Variants in SPATS2 observed in about 807,000 individuals in gnomAD.
The protein encoded by SPATS2 is spermatogenesis-associated serine-rich protein 2.
Under a neutral mutation model 63.7 loss-of-function variants are expected in SPATS2, and 38 were observed. That is an observed-to-expected ratio of 0.60 (90% CI 0.46 to 0.78). SPATS2 has a LOEUF of 0.78. Among genes scored for constraint, SPATS2 ranks in the 30% least tolerant of loss-of-function variants. The pLI is 0.00. For synonymous variants in SPATS2, 207 were observed against 232.9 expected (o/e 0.89, Z 1.01); for missense variants, 588 against 666.2 (o/e 0.88, Z 1.29).
chr12:49,524,081 A>G (rs1317258996), intron 12 of SPATS2, among the ~76,000 whole-genome samples: 1 of 152,178 alleles, frequency 6.6e-6, no homozygotes, highest in Non-Finnish European at 1.5e-5. Context: ...TTTGAACTGA[A>G]AATATTAATA....
In SPATS2 at chr12:49,461,161, T is replaced by TA. The variant is rs1412615994; in HGVS notation, c.25+125dup. 8.1e-6 allele frequency: 8 copies of TA among 989,944 alleles called. No homozygotes were observed. The African/African-American group carries it at 1.2e-4, about 14-fold the overall frequency. 61.3% of individuals were successfully genotyped at this position (989,944 alleles called of 1,614,324 possible). On this transcript the variant is annotated intron_variant, in intron 3 of 13. Transcript: ENST00000552918. ...TGGTTTTACAAGTATTTATGGATAT[T>TA]AGATTATCGCTTTGTGTATTACTAG...
intron 4 of SPATS2, among the ~76,000 whole-genome samples, chr12:49,486,878 A>G (rs1946304129): frequency 6.6e-6 from 1 of 151,914 alleles, no homozygotes; most frequent in African/African-American, 2.4e-5. Context: ...TTTTTCGTGG[A>G]TGAAACTAGG....
At chr12:49,480,545 C>T (rs1041410754) in intron 3 of SPATS2, among the ~76,000 whole-genome samples, 2 of 152,054 alleles carry the variant, frequency 1.3e-5, no homozygotes, top group East Asian at 3.8e-4. Flanking sequence ...TCTTGTTCAC[C>T]GTTGTATCCT....
In SPATS2 at chr12:49,414,877, G is replaced by T. The variant is rs574409260; in HGVS notation, c.-244+43587G>T. On this transcript the variant is annotated intron_variant, in intron 2 of 13. Transcript: ENST00000552918. ...GCCCCACAAAGTGCTGGGATTTTAG[G>T]CATGAGCCACTGTGCCTAGCCCAGG... 2.9e-3 allele frequency among the ~76,000 whole-genome samples: 434 copies of T among 151,582 alleles called. 4 individuals are homozygous for T. The highest frequency in any genetic ancestry group is 5.1e-3 in the Non-Finnish European group (344 of 67,936).
Position 49,406,250 on chromosome 12 carries a change from T to C in SPATS2, c.-244+34960T>C, listed in dbSNP as rs1944695132. On this transcript the variant is annotated intron_variant, in intron 2 of 13. Transcript: ENST00000552918. Reference sequence around the variant, plus strand: ...AATACCTATAGTAAATAATAAATAATCTTGGAATGCTAGATCTTTCTAGTT... The same window carrying C: ...AATACCTATAGTAAATAATAAATAACCTTGGAATGCTAGATCTTTCTAGTT... Among the ~76,000 whole-genome samples the C allele has an allele frequency of 3.3e-5, 5 of 151,890 alleles. No homozygotes were observed. The South Asian group carries it at 1.0e-3, about 32-fold the overall frequency.
chr12:49,501,710 G>C (rs371527868), intron 9 of SPATS2, among the ~76,000 whole-genome samples: 1 of 152,158 alleles, frequency 6.6e-6, no homozygotes, highest in Non-Finnish European at 1.5e-5. Context: ...CGCCTCCCAG[G>C]TTGCAGCCAT....
intron 2 of SPATS2, among the ~76,000 whole-genome samples, chr12:49,376,544 G>A (rs1438044352): frequency 3.3e-5 from 5 of 151,254 alleles, no homozygotes; most frequent in Admixed American, 3.3e-4. Context: ...GTACAGGCTC[G>A]TACCACCATG....
intron 2 of SPATS2, among the ~76,000 whole-genome samples, chr12:49,406,891 A>G (rs1293216861): frequency 1.3e-5 from 2 of 152,200 alleles, no homozygotes; most frequent in Non-Finnish European, 2.9e-5. Context: ...TATACTGGGA[A>G]CAATCATAAT....
intron 2 of SPATS2, among the ~76,000 whole-genome samples, chr12:49,381,899 G>A (rs558211620): frequency 2.3e-4 from 35 of 152,302 alleles, no homozygotes; most frequent in South Asian, 2.1e-3. Context: ...TAGATATGCC[G>A]TTTCATTATA....
At position 49,416,043 on chromosome 12, in the gene SPATS2, A is replaced by G. The variant is rs1242234034; in HGVS notation, c.-243-44727A>G. ...TACTTTTTTTTTTTTTTTTAATGGC[A>G]GAACAAAAAAATCTACTCCCTGTAC... is the stretch of plus-strand genomic sequence containing the variant. On this transcript the variant is annotated intron_variant, in intron 2 of 13. Coordinates refer to ENST00000552918, the MANE Select transcript of SPATS2 (RefSeq NM_023071.4). 4.0e-5 allele frequency among the ~76,000 whole-genome samples: 6 copies of G among 149,652 alleles called. No individual in the cohort carries two copies. The East Asian group carries it at 1.2e-3, about 29-fold the overall frequency.
At chr12:49,377,489 A>T (rs1759307403) in intron 2 of SPATS2, among the ~76,000 whole-genome samples, 1 of 152,184 alleles carries the variant, frequency 6.6e-6, no homozygotes, top group Non-Finnish European at 1.5e-5. Flanking sequence ...TTCAATTTTT[A>T]TATGATTACA....
chr12:49,486,215 G>A (rs1173677951), intron 4 of SPATS2: 3 of 452,750 alleles, frequency 6.6e-6, no homozygotes, highest in Non-Finnish European at 1.3e-5. Context: ...TTTGTTTTCT[G>A]TTGTTGTGAG....
At chr12:49,407,983 G>T (rs942022227) in intron 2 of SPATS2, among the ~76,000 whole-genome samples, 7 of 152,202 alleles carry the variant, frequency 4.6e-5, no homozygotes. Context: ...TCCTTGGCTA[G>T]CACAGTGTTT....
intron 3 of SPATS2, among the ~76,000 whole-genome samples, chr12:49,470,970 A>G (rs184148491): frequency 2.2e-4 from 33 of 152,362 alleles, no homozygotes; most frequent in African/African-American, 7.9e-4. Context: ...AAGAAAGGCA[A>G]TGTGAACATG....
intron 2 of SPATS2, among the ~76,000 whole-genome samples, chr12:49,443,068 G>C (rs1194629280): frequency 6.6e-6 from 1 of 152,106 alleles, no homozygotes; most frequent in Admixed American, 6.6e-5. Context: ...CTTGTAGCAT[G>C]TGTCAGAATT....
At chr12:49,440,009 T>G (rs563749805) in intron 2 of SPATS2, among the ~76,000 whole-genome samples, 1 of 152,356 alleles carries the variant, frequency 6.6e-6, no homozygotes, top group African/African-American at 2.4e-5. Context: ...CTTTTGGACA[T>G]AATTTCAAAC....
chr12:49,386,022 C>T (rs774233351), intron 2 of SPATS2, among the ~76,000 whole-genome samples: 19 of 151,490 alleles, frequency 1.3e-4, no homozygotes, highest in Non-Finnish European at 2.2e-4. Context: ...TGCCATCATG[C>T]CTGGCTGATT....
intron 13 of SPATS2, 79 bp from the exon 14 acceptor site, chr12:49,525,865 T>G (rs1443118738): frequency 2.7e-6 from 4 of 1,465,036 alleles, no homozygotes; most frequent in East Asian, 4.6e-5. Flanking sequence ...AATTCTGCTT[T>G]CAGAATACTC....
intron 2 of SPATS2, among the ~76,000 whole-genome samples, chr12:49,453,388 TTTA>T (rs974837151): frequency 1.3e-5 from 2 of 152,180 alleles, no homozygotes; most frequent in Non-Finnish European, 2.9e-5. Flanking sequence ...TTTTCGTTGC[TTTA>T]TTGTTTTTAT....
Sources: gnomAD v4.1 joint callset for allele counts (sites outside exome capture counted in the v4.1 genomes callset) on GRCh38, gnomAD v4.1.1 for gene constraint, MANE v1.5 for transcripts, NCBI Gene and HGNC (gene_info 2026-07-23, HGNC 2026-07-21) for gene names.